Variants in PHACTR1 observed in about 807,000 individuals in gnomAD.
PHACTR1 encodes the protein phosphatase and actin regulator 1, also known as RPEL repeat containing 1.
PHACTR1 carries 16 observed loss-of-function variants against 69.2 expected under a neutral mutation model. The ratio of observed to expected loss-of-function variants is 0.23; its 90% CI spans 0.16 to 0.35. PHACTR1 has a LOEUF of 0.35. PHACTR1 is among the 10% of genes least tolerant of loss of function. The pLI, the probability that PHACTR1 is intolerant of heterozygous loss-of-function variation, is 1.00. For synonymous variants in PHACTR1, 312 were observed against 284.5 expected (o/e 1.10, Z -0.97); for missense variants, 510 against 734.7 (o/e 0.69, Z 3.54).
chr6:12,919,874 G>A (rs1193354939), intron 4 of PHACTR1, among the ~76,000 whole-genome samples: 1 of 152,140 alleles, frequency 6.6e-6, no homozygotes, highest in Non-Finnish European at 1.5e-5. Context: ...AGGAGCCCTG[G>A]AGTACAATGG....
chr6:13,076,421 A>G (rs961634196), intron 5 of PHACTR1, among the ~76,000 whole-genome samples: 1 of 152,186 alleles, frequency 6.6e-6, no homozygotes, highest in Non-Finnish European at 1.5e-5. Context: ...CTGTTCATGC[A>G]TGCATGCAAC....
At chr6:12,881,924 A>G (rs562375931) in intron 4 of PHACTR1, among the ~76,000 whole-genome samples, 14 of 152,346 alleles carry the variant, frequency 9.2e-5, no homozygotes, top group Admixed American at 8.5e-4. Context: ...AAGGAAGAGT[A>G]AAAATGAAGT....
intron 4 of PHACTR1, among the ~76,000 whole-genome samples, chr6:12,786,539 G>A (rs1437057639): frequency 2.0e-5 from 3 of 152,220 alleles, no homozygotes; most frequent in Non-Finnish European, 4.4e-5. Context: ...GTTAATGGTT[G>A]TGCCTATGTG....
intron 8 of PHACTR1, among the ~76,000 whole-genome samples, chr6:13,209,422 A>C (rs932885375): frequency 6.6e-6 from 1 of 152,142 alleles, no homozygotes; most frequent in African/African-American, 2.4e-5. Flanking sequence ...ATTACCAAAC[A>C]CTCAGGCATC....
intron 10 of PHACTR1, among the ~76,000 whole-genome samples, chr6:13,237,668 A>G (rs1004152722): frequency 1.3e-5 from 2 of 152,250 alleles, no homozygotes; most frequent in East Asian, 3.8e-4. Flanking sequence ...GTACAGTCAT[A>G]CATTGCTTAA....
At chr6:12,934,282 A>G (rs984724628) in intron 4 of PHACTR1, among the ~76,000 whole-genome samples, 3 of 152,210 alleles carry the variant, frequency 2.0e-5, no homozygotes, top group African/African-American at 7.2e-5. Context: ...CACCAGTCAA[A>G]TTATATTAGG....
At chr6:13,043,779 C>T (rs1195992111) in intron 4 of PHACTR1, among the ~76,000 whole-genome samples, 1 of 152,200 alleles carries the variant, frequency 6.6e-6, no homozygotes, top group African/African-American at 2.4e-5. Flanking sequence ...AGAAGAATAT[C>T]AGACCCTAGG....
intron 5 of PHACTR1, among the ~76,000 whole-genome samples, chr6:13,062,592 G>A (rs1807837450): frequency 6.6e-6 from 1 of 152,090 alleles, no homozygotes; most frequent in Non-Finnish European, 1.5e-5. Context: ...ATGGTGATAG[G>A]CTTCTGGGCT....
intron 7 of PHACTR1, among the ~76,000 whole-genome samples, chr6:13,189,793 T>G (rs965879080): frequency 6.6e-6 from 1 of 152,170 alleles, no homozygotes; most frequent in Non-Finnish European, 1.5e-5. Context: ...CCCCTTTGTT[T>G]TTAAAAGTTG....
intron 4 of PHACTR1, among the ~76,000 whole-genome samples, chr6:12,809,940 G>A (rs1774832336): frequency 6.6e-6 from 1 of 152,092 alleles, no homozygotes; most frequent in South Asian, 2.1e-4. Context: ...TAAAGTCTAA[G>A]GCCTCATACT....
chr6:12,754,914 C>A (rs887258942), intron 4 of PHACTR1, among the ~76,000 whole-genome samples: 10 of 152,310 alleles, frequency 6.6e-5, no homozygotes, highest in Non-Finnish European at 1.5e-4. Flanking sequence ...GCAAATACTA[C>A]ACTATTTTAT....
intron 1 of PHACTR1, among the ~76,000 whole-genome samples, chr6:12,717,164 T>C (rs1254309132): frequency 6.6e-6 from 1 of 152,146 alleles, no homozygotes. Context: ...TATGTTAAGC[T>C]AAAATGGCCT....
chr6:13,101,183 T>G (rs1305344806), intron 5 of PHACTR1, among the ~76,000 whole-genome samples: 1 of 152,236 alleles, frequency 6.6e-6, no homozygotes, highest in Non-Finnish European at 1.5e-5. Context: ...GCTGGCATCT[T>G]TTGAGGGCCT....
intron 10 of PHACTR1, among the ~76,000 whole-genome samples, chr6:13,243,591 GA>G (rs59717716): frequency 0.09 from 13,188 of 147,278 alleles, 1,789 homozygotes; most frequent in African/African-American, 0.3. Flanking sequence ...TCTTTTAAAA[GA>G]AAAAAAAAAC....
intron 7 of PHACTR1, among the ~76,000 whole-genome samples, chr6:13,204,354 G>C (rs1006878928): frequency 1.3e-5 from 2 of 152,002 alleles, no homozygotes; most frequent in South Asian, 4.2e-4. Context: ...CCGAGATGGA[G>C]AGTCAGAACT....
At chr6:13,027,053 C>T (rs1009213979) in intron 4 of PHACTR1, among the ~76,000 whole-genome samples, 1 of 152,126 alleles carries the variant, frequency 6.6e-6, no homozygotes, top group Non-Finnish European at 1.5e-5. Context: ...CCATAGGTAT[C>T]ACAGAATTTT....
At chr6:12,964,018 A>G (rs115855255) in intron 4 of PHACTR1, among the ~76,000 whole-genome samples, 1 of 152,374 alleles carries the variant, frequency 6.6e-6, no homozygotes, top group African/African-American at 2.4e-5. Flanking sequence ...ATAAATTACG[A>G]ACTCTCTTTT....
At chr6:13,056,532 A>G (rs1806807956) in intron 5 of PHACTR1, among the ~76,000 whole-genome samples, 1 of 152,292 alleles carries the variant, frequency 6.6e-6, no homozygotes, top group Non-Finnish European at 1.5e-5. Flanking sequence ...TTTGTCTTGT[A>G]TGTATGTGTT....
chr6:13,165,040 G>A (rs2113585328), intron 6 of PHACTR1, among the ~76,000 whole-genome samples: 1 of 152,128 alleles, frequency 6.6e-6, no homozygotes, highest in Non-Finnish European at 1.5e-5. Context: ...AGAGGAAATA[G>A]TTTGATCTCT....
Sources: allele counts gnomAD v4.1 joint callset (sites outside exome capture counted in the v4.1 genomes callset), GRCh38; gene constraint gnomAD v4.1.1; transcripts MANE v1.5; gene names NCBI Gene and HGNC (gene_info 2026-07-23, HGNC 2026-07-21).